The following EVA1A variants were observed in gnomAD, a reference collection of about 807,000 sequenced individuals.
The protein encoded by EVA1A is eva-1 homolog A, regulator of programmed cell death, also known as protein eva-1 homolog A.
In EVA1A, 7 loss-of-function variants were observed where a neutral mutation model predicts 9.8. That is an observed-to-expected ratio of 0.71 (90% CI 0.41 to 1.34). The LOEUF is 1.34. Among genes scored for constraint, EVA1A ranks in the 40% most tolerant of loss-of-function variants. The pLI is 0.01. For synonymous variants in EVA1A, 90 were observed against 85.6 expected (o/e 1.05, Z -0.28); for missense variants, 206 against 205.9 (o/e 1.00, Z 0.00).
chr2:75,567,765 G>A (rs908716328), intron 1 of EVA1A, among the ~76,000 whole-genome samples: 4 of 152,214 alleles, frequency 2.6e-5, no homozygotes, highest in African/African-American at 7.2e-5. Flanking sequence ...CCAAATCGGA[G>A]TGATTTCCAT....
At chr2:75,537,799 T>C (rs1318724784) in intron 1 of EVA1A, among the ~76,000 whole-genome samples, 2 of 152,162 alleles carry the variant, frequency 1.3e-5, no homozygotes, top group Non-Finnish European at 2.9e-5. Flanking sequence ...TCTTGCTCCT[T>C]CTTACCATAC....
intron 2 of EVA1A, among the ~76,000 whole-genome samples, chr2:75,519,754 G>A (rs1430671730): frequency 1.3e-5 from 2 of 152,188 alleles, no homozygotes; most frequent in Non-Finnish European, 2.9e-5. Context: ...CAGGAAAAGA[G>A]TGAAGCTACT....
chr2:75,496,076 A>G (rs1012139314), intron 3 of EVA1A, among the ~76,000 whole-genome samples: 3 of 152,222 alleles, frequency 2.0e-5, no homozygotes, highest in Admixed American at 6.5e-5. Flanking sequence ...GAGGTGTCAT[A>G]TATTACACAA....
At chr2:75,559,790 T>C (rs1208042947) in intron 1 of EVA1A, among the ~76,000 whole-genome samples, 1 of 151,578 alleles carries the variant, frequency 6.6e-6, no homozygotes, top group Non-Finnish European at 1.5e-5. Flanking sequence ...ATGTGTGGTA[T>C]AGACCAGCTA....
upstream of EVA1A, among the ~76,000 whole-genome samples, chr2:75,564,943 C>T (rs1300918204): frequency 6.6e-6 from 1 of 152,206 alleles, no homozygotes; most frequent in Non-Finnish European, 1.5e-5. Context: ...CAAAAACAAA[C>T]TGAGTCACCA....
intron 1 of EVA1A, among the ~76,000 whole-genome samples, chr2:75,566,900 T>C (rs1462247885): frequency 6.6e-6 from 1 of 152,226 alleles, no homozygotes; most frequent in African/African-American, 2.4e-5. Flanking sequence ...TGACACCTCT[T>C]CTACATTTTT....
intron 2 of EVA1A, among the ~76,000 whole-genome samples, chr2:75,520,605 C>T (rs982920137): frequency 6.6e-6 from 1 of 152,112 alleles, no homozygotes; most frequent in African/African-American, 2.4e-5. Context: ...AAAAGACTGC[C>T]TTTTCAGCAA....
At chr2:75,538,152 T>C (rs951782689) in intron 1 of EVA1A, among the ~76,000 whole-genome samples, 1 of 152,074 alleles carries the variant, frequency 6.6e-6, no homozygotes, top group African/African-American at 2.4e-5. Context: ...TAGCTGGGCA[T>C]GGTGGCATGT....
chr2:75,536,481 C>G (rs1052395278), intron 1 of EVA1A, among the ~76,000 whole-genome samples: 1 of 151,862 alleles, frequency 6.6e-6, no homozygotes, highest in Non-Finnish European at 1.5e-5. Flanking sequence ...TCTATTAAGT[C>G]TATAAAGTAG....
chr2:75,557,559 T>G (rs1676759407), intron 1 of EVA1A, among the ~76,000 whole-genome samples: 1 of 152,262 alleles, frequency 6.6e-6, no homozygotes, highest in East Asian at 1.9e-4. Flanking sequence ...CACCAATATT[T>G]ATATGCTAGG....
At chr2:75,521,142 C>T (rs1416898575) in intron 2 of EVA1A, among the ~76,000 whole-genome samples, 1 of 152,112 alleles carries the variant, frequency 6.6e-6, no homozygotes, top group Admixed American at 6.6e-5. Flanking sequence ...AAATCAAAAT[C>T]AAAACCACAA....
intron 3 of EVA1A, among the ~76,000 whole-genome samples, chr2:75,515,195 C>T (rs1389166634): frequency 6.6e-6 from 1 of 152,120 alleles, no homozygotes; most frequent in East Asian, 1.9e-4. Context: ...TAAACTTTAA[C>T]TCTTCTTCAT....
intron 3 of EVA1A, among the ~76,000 whole-genome samples, chr2:75,495,118 C>T (rs890716529): frequency 2.6e-5 from 4 of 152,158 alleles, no homozygotes; most frequent in Admixed American, 2.0e-4. Flanking sequence ...TCCCCACAGT[C>T]TATTATATCA....
intron 3 of EVA1A, among the ~76,000 whole-genome samples, chr2:75,497,721 C>T (rs1051541949): frequency 1.3e-5 from 2 of 151,518 alleles, no homozygotes; most frequent in Non-Finnish European, 2.9e-5. Context: ...CATGCTGGTG[C>T]ACACCTGTAG....
chr2:75,553,606 G>A (rs1215955200), intron 1 of EVA1A, among the ~76,000 whole-genome samples: 3 of 152,140 alleles, frequency 2.0e-5, no homozygotes, highest in Non-Finnish European at 4.4e-5. Context: ...GACACACCAA[G>A]GCCACCAAGC....
At chr2:75,534,248 A>G (rs1675793683) in intron 1 of EVA1A, among the ~76,000 whole-genome samples, 1 of 152,180 alleles carries the variant, frequency 6.6e-6, no homozygotes, top group Admixed American at 6.5e-5. Context: ...CAAAAATAAA[A>G]TAAAATTAAG....
At chr2:75,516,008 A>C (rs1232954059) in intron 3 of EVA1A, among the ~76,000 whole-genome samples, 1 of 152,248 alleles carries the variant, frequency 6.6e-6, no homozygotes, top group Non-Finnish European at 1.5e-5. Context: ...GTGTTGCTGA[A>C]ATAAGGGACC....
rs1264047509 is a variant in EVA1A at position 75,493,458 on chromosome 2, G to T, written c.237C>A (p.Ser79Arg). 6.2e-7 allele frequency: 1 copy of T among 1,612,438 alleles called. No homozygotes were observed. Among genetic ancestry groups the T allele is most frequent in the Non-Finnish European group, 8.5e-7 (1 of 1,179,400 alleles). ...KKFLQDRESSSDSSDSEDGSE... is the reference protein window; with the variant it reads ...KKFLQDRESSRDSSDSEDGSE... Reference sequence around the variant, plus strand: ...TGCCATCCTCGCTGTCGCTGCTGTCGCTGCTGCTCTCTCTGTCCTGCAGGA... The same window carrying T: ...TGCCATCCTCGCTGTCGCTGCTGTCTCTGCTGCTCTCTCTGTCCTGCAGGA... Residue 79 changes from serine to arginine, a missense_variant, in exon 4 of 4, where the codon AGC becomes AGA. Coordinates refer to ENST00000393913, the MANE Select transcript of EVA1A (RefSeq NM_001135032.2).
chr2:75,544,036 C>CCA lies in EVA1A; in HGVS notation c.-192+16642_-192+16643dup, dbSNP rs1462685373. 3.9e-5 allele frequency among the ~76,000 whole-genome samples: 6 copies of CCA among 152,252 alleles called. No individual in the cohort carries two copies. The South Asian group carries it at 1.0e-3, about 26-fold the overall frequency. ...TACCAAATGTGAACAATCATAGACC[C>CCA]CAGTGGTTTACATGAGCCACAGGTT... is the stretch of plus-strand genomic sequence containing the variant. On this transcript the variant is annotated intron_variant, in intron 1 of 3. Transcript: ENST00000393913.
Sources: allele counts gnomAD v4.1 joint callset (sites outside exome capture counted in the v4.1 genomes callset), GRCh38; gene constraint gnomAD v4.1.1; transcripts MANE v1.5; gene names NCBI Gene and HGNC (gene_info 2026-07-23, HGNC 2026-07-21).